The following ABCA8 variants were observed in gnomAD, a reference collection of about 807,000 sequenced individuals.
The protein encoded by ABCA8 is ATP binding cassette subfamily A member 8.
A neutral mutation model predicts 192.3 loss-of-function variants in ABCA8; 177 were observed. The observed-to-expected ratio is 0.92, with a 90% CI of 0.81 to 1.04. The LOEUF is 1.04. Ranked by LOEUF, ABCA8 falls within the 50% of genes least tolerant of loss-of-function variation. ABCA8 has a pLI of 0.00. For synonymous variants in ABCA8, 642 were observed against 690.2 expected (o/e 0.93, Z 1.09); for missense variants, 1,915 against 1,904.8 (o/e 1.01, Z -0.10).
chr17:68,875,715 GGT>G lies in ABCA8; in HGVS notation c.4387_4388del (p.Thr1463LeufsTer2). ...GGGCACCCCTTTCCGTGTTTCTAAA[GGT>G]GGCCCGGATGGCCTGCCTATAATGT... ...QQQMWQAIRA[T>X]FRNTERGALL... On this transcript the variant is annotated frameshift_variant, in exon 36 of 40. Transcript: ENST00000586539. LOFTEE classifies it high-confidence loss of function. 1 of 1,613,976 alleles carries G rather than the reference GGT, an allele frequency of 6.2e-7. No individual in the cohort carries two copies.
chr17:68,917,573 G>T, intron 16 of ABCA8, 122 bp from the exon 17 acceptor site: 1 of 640,998 alleles, frequency 1.6e-6, no homozygotes, highest in Non-Finnish European at 2.7e-6. Context: ...GGTTTTAAAT[G>T]CAGGACTCGA....
chr17:68,881,774 A>G (rs878882394), intron 31 of ABCA8, 89 bp downstream of exon 31: 1 of 859,608 alleles, frequency 1.2e-6, no homozygotes, highest in Admixed American at 2.0e-5. Flanking sequence ...CATGTGAACC[A>G]AGAGGTGGTT....
chr17:68,904,187 C>T (rs1418579076), intron 19 of ABCA8, among the ~76,000 whole-genome samples: 3 of 151,658 alleles, frequency 2.0e-5, no homozygotes, highest in African/African-American at 7.3e-5. Flanking sequence ...GAAGCTGAGG[C>T]AGGAGAATGG....
intron 19 of ABCA8, among the ~76,000 whole-genome samples, chr17:68,904,264 A>G (rs557252322): frequency 6.9e-6 from 1 of 144,156 alleles, no homozygotes; most frequent in African/African-American, 2.7e-5. Flanking sequence ...CCTGGGTGAC[A>G]GAGCGAGACT....
In ABCA8 at chr17:68,949,335, G is replaced by C. The variant is rs1440910426; in HGVS notation, c.-29C>G. 2 of 152,172 alleles carry C rather than the reference G, an allele frequency of 1.3e-5. No homozygotes were observed. The highest frequency in any genetic ancestry group is 2.9e-5 in the Non-Finnish European group (2 of 68,032). The allele number at this position is 152,172 out of a possible 1,614,324, so 9.4% of individuals were successfully genotyped here. On this transcript the variant is annotated 5_prime_UTR_variant, in exon 2 of 40. Coordinates refer to ENST00000586539, the MANE Select transcript of ABCA8 (RefSeq NM_001288985.2). ...ACCAATCAAAAAAAGCCCAGGACCA[G>C]ACAGATTCACAGCTGAATTCTACCA...
At position 68,875,403 on chromosome 17, in the gene ABCA8, G is replaced by A. The variant is rs917261763; in HGVS notation, c.4491-3C>T. On this transcript the variant is annotated splice_region_variant and splice_polypyrimidine_tract_variant and intron_variant, in intron 36 of 39. Transcript: ENST00000586539. The stretch of plus-strand genomic sequence containing the variant: ...GGTGTTGGATGGAACCGATACATCT[G>A]GAGGATGAGGTCATATGAGAAAGGA... The A allele has an allele frequency of 1.1e-5, 17 of 1,613,874 alleles. No homozygotes were observed. The Middle Eastern group carries it at 8.2e-4, about 78-fold the overall frequency.
intron 17 of ABCA8, among the ~76,000 whole-genome samples, chr17:68,913,130 T>G (rs1421566573): frequency 1.3e-5 from 2 of 151,928 alleles, no homozygotes; most frequent in African/African-American, 2.4e-5. Flanking sequence ...GGAAATTAAA[T>G]AATATGTGTT....
intron 13 of ABCA8, 64 bp from the exon 14 acceptor site, chr17:68,919,540 T>A: frequency 7.2e-7 from 1 of 1,385,760 alleles, no homozygotes; most frequent in Non-Finnish European, 1.0e-6. Context: ...AAATCGCTGT[T>A]AATTAAATGT....
chr17:68,940,985 TA>T (rs746593447), intron 3 of ABCA8, 23 bp from the exon 4 acceptor site: 29 of 1,538,950 alleles, frequency 1.9e-5, no homozygotes, highest in African/African-American at 5.5e-5. Context: ...GGAAAAAAGA[TA>T]AAGAAAAGTC....
rs1043159292 is a variant in ABCA8, at chr17:68,887,515, G to C, written c.3145-9C>G. Reference sequence around the variant, plus strand: ...TGGGACCGAGCTCTGTTCTAATTAGGAGACAGCAAAGATACAAAGTTTGTG... The same window carrying C: ...TGGGACCGAGCTCTGTTCTAATTAGCAGACAGCAAAGATACAAAGTTTGTG... On this transcript the variant is annotated splice_polypyrimidine_tract_variant and intron_variant, in intron 24 of 39. Coordinates refer to ENST00000586539, the MANE Select transcript of ABCA8 (RefSeq NM_001288985.2). 1.3e-6 allele frequency: 2 copies of C among 1,586,296 alleles called. No individual in the cohort carries two copies. The highest frequency in any genetic ancestry group is 2.7e-5 in the African/African-American group (2 of 73,508).
chr17:68,881,022 T>C, intron 32 of ABCA8, 98 bp downstream of exon 32: 1 of 820,134 alleles, frequency 1.2e-6, no homozygotes. Flanking sequence ...TCACTTCAGT[T>C]ATATAAGGAT....
chr17:68,885,377 TG>T (rs2066431803), intron 26 of ABCA8, 62 bp from the exon 27 acceptor site: 1 of 1,499,630 alleles, frequency 6.7e-7, no homozygotes, highest in Non-Finnish European at 9.0e-7. Context: ...CAAATCGAGA[TG>T]GCTCATCTTG....
intron 37 of ABCA8, among the ~76,000 whole-genome samples, chr17:68,870,049 T>G (rs2066008022): frequency 6.6e-6 from 1 of 152,286 alleles, no homozygotes; most frequent in African/African-American, 2.4e-5. Flanking sequence ...ACAGAAGGTC[T>G]TTCCCAGCTG....
chr17:68,948,057 C>G (rs2068462390), intron 2 of ABCA8, among the ~76,000 whole-genome samples: 1 of 152,118 alleles, frequency 6.6e-6, no homozygotes, highest in Non-Finnish European at 1.5e-5. Context: ...CATCCATGTC[C>G]CTGCAAAGGA....
chr17:68,928,960 G>A (rs1598273986), intron 9 of ABCA8, 89 bp downstream of exon 9: 2 of 1,127,156 alleles, frequency 1.8e-6, no homozygotes, highest in Admixed American at 3.4e-5. Flanking sequence ...GCCTTACAAT[G>A]CTGAGTTTGT....
At chr17:68,872,077 C>G (rs959364633) in intron 37 of ABCA8, among the ~76,000 whole-genome samples, 2 of 152,198 alleles carry the variant, frequency 1.3e-5, no homozygotes, top group South Asian at 2.1e-4. Flanking sequence ...CATCCCATTA[C>G]TGGGTATATA....
Position 68,868,110 on chromosome 17 carries a change from T to C in ABCA8, c.4841A>G (p.Lys1614Arg). The C allele has an allele frequency of 1.2e-6, 2 of 1,612,928 alleles. No homozygotes were observed. Among genetic ancestry groups the C allele is most frequent in the South Asian group, 2.2e-5 (2 of 90,918 alleles). Residue 1614 changes from lysine to arginine, a missense_variant, in exon 40 of 40, where the codon AAG (lysine) becomes AGG (arginine). By Grantham distance (26) the Lys-to-Arg change is conservative (BLOSUM62 2). Coordinates refer to ENST00000586539, the MANE Select transcript of ABCA8 (RefSeq NM_001288985.2). ...TTAAGGCTCTTCCTGGGGGAGGAGC[T>C]TCCACTTCACTGAGGGATCAAAATC... ...EEDFDPSVKWKLLPQEEP is the reference protein window; with the variant it reads ...EEDFDPSVKWRLLPQEEP
At chr17:68,950,870 T>C (rs2068549531) in intron 1 of ABCA8, among the ~76,000 whole-genome samples, 1 of 152,206 alleles carries the variant, frequency 6.6e-6, no homozygotes, top group Non-Finnish European at 1.5e-5. Flanking sequence ...GGAGTTTTTG[T>C]CATCAAGGCA....
At chr17:68,950,698 T>C (rs1317092966) in intron 1 of ABCA8, among the ~76,000 whole-genome samples, 1 of 152,188 alleles carries the variant, frequency 6.6e-6, no homozygotes, top group Non-Finnish European at 1.5e-5. Context: ...TTCTACTCTT[T>C]TTGGGGGTTG....
Sources: allele counts gnomAD v4.1 joint callset (sites outside exome capture counted in the v4.1 genomes callset), GRCh38; gene constraint gnomAD v4.1.1; transcripts MANE v1.5; gene names NCBI Gene and HGNC (gene_info 2026-07-23, HGNC 2026-07-21).